Variants in NAV3 observed in about 807,000 individuals in gnomAD.
NAV3 encodes pore membrane and/or filament interacting like protein 1.
In NAV3, 87 loss-of-function variants were observed where a neutral mutation model predicts 244.7. The ratio of observed to expected loss-of-function variants is 0.36; its 90% CI spans 0.30 to 0.42. NAV3 has a LOEUF of 0.42. NAV3 is among the 20% of genes least tolerant of loss of function. The probability of loss-of-function intolerance (pLI) is 1.00; values close to 1 mark genes in which losing one functional copy is unlikely to be tolerated. For synonymous variants in NAV3, 1,126 were observed against 1,042.2 expected (o/e 1.08, Z -1.55); for missense variants, 2,663 against 2,893.3 (o/e 0.92, Z 1.83).
At chr12:77,941,636 C>T (rs1225432587) in intron 3 of NAV3, among the ~76,000 whole-genome samples, 1 of 152,178 alleles carries the variant, frequency 6.6e-6, no homozygotes, top group African/African-American at 2.4e-5. Flanking sequence ...TTCGTAGTCT[C>T]TTCCAGAAAG....
chr12:77,902,794 A>G (rs1372784992), intron 1 of NAV3, among the ~76,000 whole-genome samples: 1 of 152,116 alleles, frequency 6.6e-6, no homozygotes, highest in Non-Finnish European at 1.5e-5. Context: ...CTTCAGCAAA[A>G]TCTCAGGATA....
intron 2 of NAV3, among the ~76,000 whole-genome samples, chr12:77,628,545 G>T (rs779118697): frequency 6.6e-6 from 1 of 152,022 alleles, no homozygotes; most frequent in Non-Finnish European, 1.5e-5. Context: ...TATTAATTAC[G>T]TTATCTATTT....
At chr12:77,906,745 T>TA (rs1174762291) in intron 1 of NAV3, among the ~76,000 whole-genome samples, 2 of 152,118 alleles carry the variant, frequency 1.3e-5, no homozygotes, top group Non-Finnish European at 2.9e-5. Context: ...TGTGATAACT[T>TA]AATGATTTAA....
rs138558576 is a variant in NAV3, at chr12:78,105,546, A to G, written c.2637-11226A>G. On this transcript the variant is annotated intron_variant, in intron 12 of 39. Transcript: ENST00000397909. ...GCTTGGGATATTTGAAACTTTTCTT[A>G]GTGAATTTTCCAATAAAATTATTTG... Among the ~76,000 whole-genome samples the G allele has an allele frequency of 8.4e-4, 128 of 152,196 alleles. 1 individual carries two copies. Among genetic ancestry groups the G allele is most frequent in the African/African-American group, 2.8e-3 (118 of 41,570 alleles).
intron 2 of NAV3, among the ~76,000 whole-genome samples, chr12:77,710,672 G>T (rs1876065473): frequency 6.6e-6 from 1 of 152,124 alleles, no homozygotes; most frequent in Non-Finnish European, 1.5e-5. Flanking sequence ...CTAAGTCATG[G>T]AAGAGTATCT....
chr12:77,959,531 T>C (rs1050687926), intron 3 of NAV3, among the ~76,000 whole-genome samples: 1 of 152,112 alleles, frequency 6.6e-6, no homozygotes, highest in Non-Finnish European at 1.5e-5. Flanking sequence ...ATCCCTACTA[T>C]GTACATTGTA....
chr12:78,098,266 G>A (rs147362491), intron 12 of NAV3, among the ~76,000 whole-genome samples: 139 of 152,026 alleles, frequency 9.1e-4, no homozygotes, highest in African/African-American at 3.2e-3. Context: ...ATATAAAAAT[G>A]TTTTTAAAAG....
At chr12:77,657,301 A>T (rs1395233208) in intron 2 of NAV3, among the ~76,000 whole-genome samples, 1 of 152,224 alleles carries the variant, frequency 6.6e-6, no homozygotes, top group Non-Finnish European at 1.5e-5. Flanking sequence ...CAGAAATACA[A>T]ACTACCATCA....
intron 7 of NAV3, among the ~76,000 whole-genome samples, chr12:78,004,662 T>C (rs932506230): frequency 6.6e-6 from 1 of 152,206 alleles, no homozygotes; most frequent in Non-Finnish European, 1.5e-5. Flanking sequence ...TCAGCTGCTG[T>C]TGTGCAATCT....
At chr12:77,675,442 C>T (rs955576242) in intron 2 of NAV3, among the ~76,000 whole-genome samples, 1 of 152,080 alleles carries the variant, frequency 6.6e-6, no homozygotes, top group Non-Finnish European at 1.5e-5. Flanking sequence ...AAGGCCCACC[C>T]GGAATAGCAA....
chr12:78,135,343 G>A (rs565159283), intron 18 of NAV3, among the ~76,000 whole-genome samples: 132 of 152,280 alleles, frequency 8.7e-4, no homozygotes, highest in African/African-American at 3.0e-3. Context: ...AAATAGTTAG[G>A]TGTAATTTCC....
In NAV3 at chr12:77,831,173, GA is replaced by G. The variant is rs1873593296; in HGVS notation, c.-288del. 1 of 112,528 alleles carries G rather than the reference GA, an allele frequency of 8.9e-6. No individual in the cohort carries two copies. The highest frequency in any genetic ancestry group is 9.9e-5 in the Admixed American group (1 of 10,106). 7.0% of individuals were successfully genotyped at this position (112,528 alleles called of 1,614,324 possible). On this transcript the variant is annotated 5_prime_UTR_variant, in exon 1 of 40. Coordinates refer to ENST00000397909, the MANE Select transcript of NAV3 (RefSeq NM_001024383.2). The stretch of plus-strand genomic sequence containing the variant: ...GAACAGAGAGAGAGAGAGAGACAGA[GA>G]GAGAGAGAGAGAGAGAGAGACAGAG...
At chr12:77,687,562 T>C (rs113367632) in intron 2 of NAV3, among the ~76,000 whole-genome samples, 2,086 of 152,246 alleles carry the variant, frequency 0.014, 32 homozygotes, top group Non-Finnish European at 0.023. Context: ...ACTTAATTAA[T>C]CAAGCTTATA....
At chr12:78,136,635 T>C (rs1371925785) in intron 18 of NAV3, among the ~76,000 whole-genome samples, 5 of 152,170 alleles carry the variant, frequency 3.3e-5, no homozygotes, top group Admixed American at 1.3e-4. Flanking sequence ...TAAAAATGTT[T>C]ATTATACACT....
At chr12:77,832,649 T>C (rs1565836879) in intron 1 of NAV3, among the ~76,000 whole-genome samples, 1 of 152,210 alleles carries the variant, frequency 6.6e-6, no homozygotes, top group Non-Finnish European at 1.5e-5. Flanking sequence ...TATATTCTTT[T>C]AGTTATTTAA....
intron 1 of NAV3, among the ~76,000 whole-genome samples, chr12:77,916,710 T>G (rs1317471232): frequency 6.6e-6 from 1 of 152,028 alleles, no homozygotes; most frequent in Non-Finnish European, 1.5e-5. Flanking sequence ...ACTTTTGAGT[T>G]GACTCAGAAG....
intron 2 of NAV3, among the ~76,000 whole-genome samples, chr12:77,642,337 T>C (rs568568037): frequency 6.6e-6 from 1 of 152,124 alleles, no homozygotes; most frequent in Non-Finnish European, 1.5e-5. Flanking sequence ...TGAAGAATAT[T>C]GCCTTTCAGG....
chr12:78,004,307 G>A (rs901016063), intron 7 of NAV3, among the ~76,000 whole-genome samples: 1 of 152,104 alleles, frequency 6.6e-6, no homozygotes, highest in Non-Finnish European at 1.5e-5. Context: ...ATTTGGTTAT[G>A]GTGGAGTTGG....
In NAV3 at chr12:78,006,696, G is replaced by A. The variant is rs2136566192; in HGVS notation, c.1158G>A (p.Glu386=). The A allele has an allele frequency of 1.2e-6, 2 of 1,614,120 alleles. No individual in the cohort carries two copies. The highest frequency in any genetic ancestry group is 2.2e-5 in the East Asian group (1 of 44,856). ...TAPSGQKSML[E]KFKLVNARTA... ...CCTCAGGACAGAAATCCATGCTTGA[G>A]AAATTCAAGCTAGTCAATGCCCGGA... The change falls in exon 8 of 40, where the codon GAG becomes GAA. Residue 386 remains glutamate, a synonymous_variant. Coordinates refer to ENST00000397909, the MANE Select transcript of NAV3 (RefSeq NM_001024383.2).
Sources: gnomAD v4.1 joint callset for allele counts (sites outside exome capture counted in the v4.1 genomes callset) on GRCh38, gnomAD v4.1.1 for gene constraint, MANE v1.5 for transcripts, NCBI Gene and HGNC (gene_info 2026-07-23, HGNC 2026-07-21) for gene names.